The following CSTPP1 variants were observed in gnomAD, a reference collection of about 807,000 sequenced individuals.
CSTPP1 encodes UPF0705 protein C11orf49.
the CSTPP1 span, chr11:47,161,831 C>T: frequency 7.2e-7 from 1 of 1,392,670 alleles, no homozygotes; most frequent in Non-Finnish European, 9.3e-7. Context: ...GAATGGCCTG[C>T]TCTCCCTGGC....
chr11:47,018,272 A>G, the CSTPP1 span, among the ~76,000 whole-genome samples: 2 of 150,558 alleles, frequency 1.3e-5, no homozygotes, highest in African/African-American at 4.9e-5. Flanking sequence ...TCACTCAATC[A>G]CATGGTATGT....
chr11:46,992,390 C>A, the CSTPP1 span, among the ~76,000 whole-genome samples: 1 of 104,706 alleles, frequency 9.6e-6, no homozygotes, highest in African/African-American at 3.6e-5. Context: ...CCTTCCCCCT[C>A]CCCCCACCCC....
chr11:46,943,314 G>T, the CSTPP1 span, among the ~76,000 whole-genome samples: 1 of 152,320 alleles, frequency 6.6e-6, no homozygotes, highest in Non-Finnish European at 1.5e-5. Flanking sequence ...TACACACAAA[G>T]ATACCAAATA....
At chr11:47,004,132 T>A in the CSTPP1 span, among the ~76,000 whole-genome samples, 5 of 151,730 alleles carry the variant, frequency 3.3e-5, no homozygotes, top group African/African-American at 1.2e-4. Context: ...TCTCTTTTGT[T>A]TTTTGTTGTT....
At chr11:46,941,468 T>G in the CSTPP1 span, among the ~76,000 whole-genome samples, 11 of 152,220 alleles carry the variant, frequency 7.2e-5, no homozygotes, top group Non-Finnish European at 1.6e-4. Context: ...GCCTCCCAAG[T>G]AGCTGGGATT....
chr11:47,082,256 T>TA, the CSTPP1 span, among the ~76,000 whole-genome samples: 25 of 149,350 alleles, frequency 1.7e-4, no homozygotes, highest in Middle Eastern at 3.5e-3. Context: ...AGAGAGCTGA[T>TA]AAAAAAAAAC....
chr11:47,124,174 A>T, the CSTPP1 span, among the ~76,000 whole-genome samples: 1 of 108,804 alleles, frequency 9.2e-6, no homozygotes, highest in Non-Finnish European at 1.7e-5. Context: ...CCCAGGCTGG[A>T]GTGCAGTGGT....
At chr11:47,127,177 C>T in the CSTPP1 span, among the ~76,000 whole-genome samples, 12,333 of 152,144 alleles carry the variant, frequency 0.081, 509 homozygotes, top group Non-Finnish European at 0.09. Flanking sequence ...CCAGGAACTA[C>T]CACTTATGCG....
chr11:47,009,855 A>G, the CSTPP1 span, among the ~76,000 whole-genome samples: 1 of 152,156 alleles, frequency 6.6e-6, no homozygotes, highest in Non-Finnish European at 1.5e-5. Flanking sequence ...AGGCAAAGAC[A>G]GTACCTCATA....
At chr11:46,949,188 T>C in the CSTPP1 span, among the ~76,000 whole-genome samples, 1 of 152,352 alleles carries the variant, frequency 6.6e-6, no homozygotes, top group Admixed American at 6.5e-5. Flanking sequence ...TGATAAAAGC[T>C]ACCTCACAGA....
chr11:47,039,307 C>T, the CSTPP1 span, among the ~76,000 whole-genome samples: 2 of 127,936 alleles, frequency 1.6e-5, no homozygotes, highest in African/African-American at 4.9e-5. Context: ...TGGAGACCAG[C>T]CCAGCCAACA....
At chr11:46,965,268 C>T in the CSTPP1 span, among the ~76,000 whole-genome samples, 16 of 138,692 alleles carry the variant, frequency 1.2e-4, no homozygotes, top group South Asian at 4.6e-4. Flanking sequence ...CTCTGTCGCT[C>T]GGGCTGGAAT....
chr11:47,052,543 C>T, the CSTPP1 span: 2 of 1,552,540 alleles, frequency 1.3e-6, no homozygotes, highest in Non-Finnish European at 1.8e-6. Context: ...ATTCTTTTTC[C>T]TTCCTTCCTT....
chr11:47,093,501 C>G, the CSTPP1 span, among the ~76,000 whole-genome samples: 55 of 152,306 alleles, frequency 3.6e-4, no homozygotes, highest in Non-Finnish European at 7.3e-4. Context: ...AAGTCTTCGG[C>G]CACATGGAGC....
the CSTPP1 span, among the ~76,000 whole-genome samples, chr11:47,020,176 G>A: frequency 6.6e-6 from 1 of 152,162 alleles, no homozygotes; most frequent in Non-Finnish European, 1.5e-5. Flanking sequence ...AATGAGTATG[G>A]AGTTTGATGC....
chr11:47,039,033 G>A, the CSTPP1 span, among the ~76,000 whole-genome samples: 1 of 124,844 alleles, frequency 8.0e-6, no homozygotes. Flanking sequence ...TGGCGGCCGG[G>A]CAGAGACGCT....
At chr11:47,109,368 G>C in the CSTPP1 span, 4 of 152,106 alleles carry the variant, frequency 2.6e-5, no homozygotes, top group African/African-American at 9.6e-5. Flanking sequence ...TCTGAGGACC[G>C]AGGACAAGCA....
chr11:47,053,500 TC>T, the CSTPP1 span, among the ~76,000 whole-genome samples: 1 of 150,794 alleles, frequency 6.6e-6, no homozygotes, highest in Non-Finnish European at 1.5e-5. Flanking sequence ...ACTCCTATAA[TC>T]CCAGCTATTC....
chr11:47,024,246 T>G, the CSTPP1 span, among the ~76,000 whole-genome samples: 1 of 151,930 alleles, frequency 6.6e-6, no homozygotes, highest in Non-Finnish European at 1.5e-5. Flanking sequence ...ATATTTTTCA[T>G]AGAGACGGGA....
Sources: gnomAD v4.1 joint callset for allele counts (sites outside exome capture counted in the v4.1 genomes callset) on GRCh38, gnomAD v4.1.1 for gene constraint, MANE v1.5 for transcripts, NCBI Gene and HGNC (gene_info 2026-07-23, HGNC 2026-07-21) for gene names.